RORA: variants seen among roughly 807,000 people sequenced by gnomAD.
The protein encoded by RORA is nuclear receptor ROR-alpha.
RORA carries 7 observed loss-of-function variants against 69.5 expected under a neutral mutation model. That is an observed-to-expected ratio of 0.10 (90% confidence interval 0.06 to 0.19). RORA has a LOEUF of 0.19. Ranked by LOEUF, RORA falls within the 10% of genes least tolerant of loss-of-function variation. The pLI, the probability that RORA is intolerant of heterozygous loss-of-function variation, is 1.00. For synonymous variants in RORA, 261 were observed against 240.8 expected, an observed-to-expected ratio of 1.08 and a Z score of -0.78; for missense variants, 457 against 663.0, an observed-to-expected ratio of 0.69 and a Z score of 3.41.
chr15:60,797,064 A>ATTATAT (rs2072509394), intron 1 of RORA, among the ~76,000 whole-genome samples: 1 of 147,862 alleles, frequency 6.8e-6, no homozygotes, highest in South Asian at 2.1e-4. Flanking sequence ...ATATTTATTA[A>ATTATAT]TTATATTTAT....
intron 1 of RORA, among the ~76,000 whole-genome samples, chr15:61,216,255 T>C (rs1435306054): frequency 6.6e-6 from 1 of 152,252 alleles, no homozygotes; most frequent in Non-Finnish European, 1.5e-5. Context: ...TTCCTGGGTT[T>C]ACCTAATACC....
chr15:61,004,955 A>T (rs1297263344), intron 1 of RORA, among the ~76,000 whole-genome samples: 1 of 152,230 alleles, frequency 6.6e-6, no homozygotes, highest in Non-Finnish European at 1.5e-5. Flanking sequence ...TCAAAGTTGG[A>T]ATAGAAATGA....
intron 1 of RORA, among the ~76,000 whole-genome samples, chr15:60,796,058 C>A (rs2072490735): frequency 6.6e-6 from 1 of 152,140 alleles, no homozygotes. Flanking sequence ...AAGGGAAGTG[C>A]AAAGTGAATG....
At chr15:61,158,978 T>G (rs1466514417) in intron 1 of RORA, among the ~76,000 whole-genome samples, 1 of 152,216 alleles carries the variant, frequency 6.6e-6, no homozygotes, top group Non-Finnish European at 1.5e-5. Flanking sequence ...GGATCTTTTC[T>G]CAGATTCAAT....
chr15:61,140,178 A>G (rs2140861277), intron 1 of RORA, among the ~76,000 whole-genome samples: 1 of 152,334 alleles, frequency 6.6e-6, no homozygotes, highest in Non-Finnish European at 1.5e-5. Context: ...CCAAAAATGC[A>G]AAGACAGAGG....
chr15:60,946,075 G>C (rs1055660865), intron 1 of RORA, among the ~76,000 whole-genome samples: 27 of 152,164 alleles, frequency 1.8e-4, no homozygotes, highest in African/African-American at 6.5e-4. Flanking sequence ...TCCAAGGGGA[G>C]AGTGAAGCCA....
chr15:60,680,015 G>A (rs4775285), intron 1 of RORA, among the ~76,000 whole-genome samples: 122,848 of 152,130 alleles, frequency 0.81, 49,912 homozygotes, highest in Admixed American at 0.86. Context: ...CTTGAAGACT[G>A]TCTCACATGA....
intron 1 of RORA, among the ~76,000 whole-genome samples, chr15:60,987,167 A>G (rs899809057): frequency 1.3e-5 from 2 of 152,188 alleles, no homozygotes; most frequent in African/African-American, 4.8e-5. Flanking sequence ...TTTCAGGACT[A>G]AAGACATGGG....
At position 61,008,203 on chromosome 15, in the gene RORA, C is replaced by T. The variant is rs5813058; in HGVS notation, c.166+220850G>A. ...AAGAATTTCAAAATTCTCTCTCTCT[C>T]TGTGTGTGTGTGTGTGTGTGTGTGT... On this transcript the variant is annotated intron_variant, in intron 1 of 10. Transcript: ENST00000335670. Among the ~76,000 whole-genome samples, 708 of 135,152 alleles carry T rather than the reference C, an allele frequency of 5.2e-3. 3 individuals are homozygous for T. The highest frequency in any genetic ancestry group is 0.018 in the African/African-American group (658 of 35,694). The allele number at this position is 135,152 out of a possible 152,430, so 88.7% of individuals were successfully genotyped here.
chr15:60,839,724 G>C (rs1431505905), intron 1 of RORA, among the ~76,000 whole-genome samples: 1 of 152,210 alleles, frequency 6.6e-6, no homozygotes, highest in East Asian at 1.9e-4. Context: ...CCTACACGGT[G>C]AATGACTCCC....
At chr15:61,156,213 G>T (rs994817262) in intron 1 of RORA, among the ~76,000 whole-genome samples, 2 of 152,036 alleles carry the variant, frequency 1.3e-5, no homozygotes, top group Non-Finnish European at 2.9e-5. Flanking sequence ...AAACAAGGGG[G>T]GAAAAGTTTG....
chr15:60,583,774 C>T (rs2068256550), intron 2 of RORA, among the ~76,000 whole-genome samples: 1 of 152,174 alleles, frequency 6.6e-6, no homozygotes, highest in Non-Finnish European at 1.5e-5. Flanking sequence ...CATCTGGCAC[C>T]TCTTCCATGC....
At chr15:61,129,393 A>G (rs1474592286) in intron 1 of RORA, among the ~76,000 whole-genome samples, 1 of 152,184 alleles carries the variant, frequency 6.6e-6, no homozygotes, top group African/African-American at 2.4e-5. Context: ...ATATCTAGAA[A>G]AGGCAAATAT....
intron 1 of RORA, among the ~76,000 whole-genome samples, chr15:61,164,325 G>T (rs539524134): frequency 5.9e-5 from 9 of 152,142 alleles, no homozygotes; most frequent in Non-Finnish European, 1.0e-4. Context: ...TTCATATGTG[G>T]TAAGACCACT....
chr15:61,192,796 C>G (rs1422586495), intron 1 of RORA, among the ~76,000 whole-genome samples: 1 of 152,190 alleles, frequency 6.6e-6, no homozygotes, highest in Non-Finnish European at 1.5e-5. Context: ...CTCTGGTTGT[C>G]AGAGAGTTCC....
chr15:60,843,466 C>T (rs1400956513), intron 1 of RORA, among the ~76,000 whole-genome samples: 4 of 152,240 alleles, frequency 2.6e-5, no homozygotes, highest in East Asian at 1.9e-4. Flanking sequence ...TTCTCCCAGG[C>T]GGAGAGCTCT....
intron 2 of RORA, among the ~76,000 whole-genome samples, chr15:60,608,767 G>C (rs1014417402): frequency 7.9e-5 from 12 of 152,018 alleles, no homozygotes; most frequent in African/African-American, 2.9e-4. Context: ...CCTGCCACGA[G>C]AGATAATTTA....
chr15:60,518,986 T>G (rs891393142), intron 3 of RORA, among the ~76,000 whole-genome samples: 1 of 152,174 alleles, frequency 6.6e-6, no homozygotes, highest in Non-Finnish European at 1.5e-5. Context: ...AGAGACCACA[T>G]TCACATAACT....
intron 3 of RORA, among the ~76,000 whole-genome samples, chr15:60,523,725 G>A (rs369638850): frequency 6.6e-6 from 1 of 152,202 alleles, no homozygotes; most frequent in South Asian, 2.1e-4. Context: ...AGGCTGGAGT[G>A]CAATGGAGTG....
Sources: gnomAD v4.1 joint callset for allele counts (sites outside exome capture counted in the v4.1 genomes callset) on GRCh38, gnomAD v4.1.1 for gene constraint, MANE v1.5 for transcripts, NCBI Gene and HGNC (gene_info 2026-07-23, HGNC 2026-07-21) for gene names.